C2orf66: variants seen among roughly 807,000 people sequenced by gnomAD.
C2orf66 encodes chromosome 2 open reading frame 66.
C2orf66 carries 6 observed loss-of-function variants against 7.0 expected under a neutral mutation model. The ratio of observed to expected loss-of-function variants is 0.86; its 90% confidence interval spans 0.47 to 1.69. The LOEUF (loss-of-function observed/expected upper bound fraction) is 1.69, where lower values mean the gene tolerates loss of function less well. Ranked by LOEUF, C2orf66 falls within the 40% of genes most tolerant of loss-of-function variation. C2orf66 has a pLI of 0.01. For synonymous variants in C2orf66, 38 were observed against 43.8 expected (o/e 0.87, Z 0.52); for missense variants, 107 against 112.0 (o/e 0.96, Z 0.20).
At chr2:196,827,589 TAA>T in the C2orf66 span, among the ~76,000 whole-genome samples, 6 of 152,328 alleles carry the variant, frequency 3.9e-5, no homozygotes, top group Admixed American at 2.6e-4. Flanking sequence ...GGCTGAATCA[TAA>T]AGTTTCTTCT....
At chr2:196,813,979 G>A (rs529441077), upstream of C2orf66, among the ~76,000 whole-genome samples, 1 of 152,188 alleles carries the variant, frequency 6.6e-6, no homozygotes, top group Non-Finnish European at 1.5e-5. Context: ...TGGTGAGAGT[G>A]TATATTAGTT....
the C2orf66 span, among the ~76,000 whole-genome samples, chr2:196,825,166 G>A: frequency 2.7e-5 from 4 of 150,812 alleles, no homozygotes; most frequent in African/African-American, 9.8e-5. Context: ...CCCAGGATGG[G>A]GAGGTTGTAG....
intron 1 of C2orf66, 112 bp downstream of exon 1, chr2:196,809,102 C>T: frequency 8.4e-7 from 1 of 1,188,548 alleles, no homozygotes. Flanking sequence ...AGAATTTTCT[C>T]AACCCTTGGT....
At chr2:196,826,423 A>G in the C2orf66 span, among the ~76,000 whole-genome samples, 1 of 152,212 alleles carries the variant, frequency 6.6e-6, no homozygotes, top group Non-Finnish European at 1.5e-5. Flanking sequence ...TTTGCAATCA[A>G]AAAAGTCTGA....
intron 2 of C2orf66, among the ~76,000 whole-genome samples, chr2:196,806,903 AT>A (rs1348328298): frequency 6.6e-6 from 1 of 152,080 alleles, no homozygotes; most frequent in Non-Finnish European, 1.5e-5. Context: ...TAAATTTTTA[AT>A]TTTTTTCTAT....
At chr2:196,819,541 C>T in the C2orf66 span, among the ~76,000 whole-genome samples, 5 of 151,650 alleles carry the variant, frequency 3.3e-5, no homozygotes, top group African/African-American at 9.8e-5. Flanking sequence ...CACAAGCCAC[C>T]CAGTCTATGG....
the C2orf66 span, among the ~76,000 whole-genome samples, chr2:196,815,181 C>G: frequency 1.3e-5 from 2 of 151,802 alleles, no homozygotes; most frequent in Non-Finnish European, 2.9e-5. Context: ...GTTGCCCAGG[C>G]TGGTCTCAAA....
At chr2:196,830,048 C>G in the C2orf66 span, among the ~76,000 whole-genome samples, 1 of 152,130 alleles carries the variant, frequency 6.6e-6, no homozygotes, top group Non-Finnish European at 1.5e-5. Context: ...AAAATATATC[C>G]TCCCCCATTT....
chr2:196,814,769 A>C, the C2orf66 span, among the ~76,000 whole-genome samples: 1 of 152,196 alleles, frequency 6.6e-6, no homozygotes, highest in East Asian at 1.9e-4. Context: ...AATAATTGAT[A>C]GTTCCATTTG....
the C2orf66 span, among the ~76,000 whole-genome samples, chr2:196,822,195 G>A: frequency 2.6e-5 from 4 of 151,856 alleles, no homozygotes; most frequent in Admixed American, 2.0e-4. Context: ...TTACAGGCAT[G>A]AGCCACTGCG....
chr2:196,828,799 AAG>A, the C2orf66 span, among the ~76,000 whole-genome samples: 2 of 152,182 alleles, frequency 1.3e-5, no homozygotes, highest in Admixed American at 6.5e-5. Context: ...ACCAGAGTTC[AAG>A]AGTCCCCGGT....
chr2:196,811,963 G>A (rs1699880723), upstream of C2orf66, among the ~76,000 whole-genome samples: 1 of 152,140 alleles, frequency 6.6e-6, no homozygotes, highest in African/African-American at 2.4e-5. Flanking sequence ...GATAAAATTA[G>A]GTCTATAGAG....
the C2orf66 span, among the ~76,000 whole-genome samples, chr2:196,824,456 A>AT: frequency 4.0e-5 from 6 of 151,798 alleles, no homozygotes; most frequent in African/African-American, 9.7e-5. Context: ...TTTTCTTCTG[A>AT]TTTTTTTTCT....
chr2:196,808,779 A>T (rs1699842021), intron 1 of C2orf66, among the ~76,000 whole-genome samples: 1 of 152,180 alleles, frequency 6.6e-6, no homozygotes, highest in Non-Finnish European at 1.5e-5. Flanking sequence ...ATACCCATGC[A>T]GGGTCAACTT....
the C2orf66 span, among the ~76,000 whole-genome samples, chr2:196,826,686 T>C: frequency 6.6e-6 from 1 of 152,128 alleles, no homozygotes; most frequent in Admixed American, 6.5e-5. Flanking sequence ...CACTGAACTA[T>C]ATACTTTAAA....
At chr2:196,829,677 C>G in the C2orf66 span, among the ~76,000 whole-genome samples, 1 of 151,784 alleles carries the variant, frequency 6.6e-6, no homozygotes, top group Admixed American at 6.6e-5. Flanking sequence ...GCGGGCGGAT[C>G]ACGAGGTCTG....
chr2:196,820,037 G>C, the C2orf66 span, among the ~76,000 whole-genome samples: 2 of 152,198 alleles, frequency 1.3e-5, no homozygotes, highest in African/African-American at 2.4e-5. Flanking sequence ...TTCTGGATTT[G>C]AGGGGGTGGG....
chr2:196,810,322 T>A (rs1248459900), upstream of C2orf66: 1 of 152,240 alleles, frequency 6.6e-6, no homozygotes, highest in African/African-American at 2.4e-5. Context: ...GAGATATGAC[T>A]TTTTCAAGTT....
the C2orf66 span, among the ~76,000 whole-genome samples, chr2:196,819,466 C>T: frequency 1.1e-4 from 17 of 152,220 alleles, no homozygotes; most frequent in South Asian, 4.1e-4. Flanking sequence ...AGAACCCAAT[C>T]TGTGCTGGCA....
Sources: gnomAD v4.1 joint callset for allele counts (sites outside exome capture counted in the v4.1 genomes callset) on GRCh38, gnomAD v4.1.1 for gene constraint, MANE v1.5 for transcripts, NCBI Gene and HGNC (gene_info 2026-07-23, HGNC 2026-07-21) for gene names.